Variants in SPTBN1 observed in about 807,000 individuals in gnomAD.
The protein encoded by SPTBN1 is spectrin beta, non-erythrocytic 1.
A neutral mutation model predicts 266.4 loss-of-function variants in SPTBN1; 32 were observed. That is an observed-to-expected ratio of 0.12 (90% CI 0.09 to 0.16). The LOEUF (loss-of-function observed/expected upper bound fraction) is 0.16. Ranked by LOEUF, SPTBN1 falls within the 10% of genes least tolerant of loss-of-function variation. The pLI is 1.00. For synonymous variants in SPTBN1, 1,336 were observed against 1,162.2 expected (o/e 1.15, Z -3.04); for missense variants, 2,296 against 3,067.1 (o/e 0.75, Z 5.94).
intron 2 of SPTBN1, among the ~76,000 whole-genome samples, chr2:54,575,735 CTCAGTGGCGTGAAGGCTCAGTT>C (rs1674415399): frequency 6.6e-6 from 1 of 152,226 alleles, no homozygotes; most frequent in Non-Finnish European, 1.5e-5. Flanking sequence ...TAAGCAGTGA[CTCAGTGGCGTGAAGGCTCAGTT>C]TCGATGTATC....
chr2:54,667,609 A>G lies in SPTBN1; in HGVS notation c.6839A>G (p.Asn2280Ser). ...TTTCTTCCTTGAAATTACAGACTAAATGATGGCAATGAGTACCTCTTCCAA... is the reference window on the plus strand; with the variant it reads ...TTTCTTCCTTGAAATTACAGACTAAGTGATGGCAATGAGTACCTCTTCCAA... ...KKKHVFKLRL[N>S]DGNEYLFQAK... The change falls in exon 35 of 36, where the codon AAT (asparagine) becomes AGT (serine). Residue 2280 changes from asparagine (N) to serine (S), a missense_variant. Physicochemically the swap from Asn to Ser is conservative, Grantham distance 46. Around this residue, in one of 12 missense-constraint regions of SPTBN1, gnomAD observed 347 missense variants for 368.5 expected, o/e 0.94. Transcript: ENST00000356805. 2 of 1,613,980 alleles carry G rather than the reference A, an allele frequency of 1.2e-6. No homozygotes were observed. The highest frequency in any genetic ancestry group is 1.7e-6 in the Non-Finnish European group (2 of 1,179,850).
At chr2:54,521,752 G>T (rs901462937) in intron 1 of SPTBN1, among the ~76,000 whole-genome samples, 8 of 152,164 alleles carry the variant, frequency 5.3e-5, no homozygotes, top group Non-Finnish European at 1.2e-4. Context: ...TCAAACTCCT[G>T]GGCTCAAGTG....
chr2:54,613,148 C>T (rs779084895), intron 4 of SPTBN1, among the ~76,000 whole-genome samples: 11 of 152,152 alleles, frequency 7.2e-5, no homozygotes, highest in Non-Finnish European at 1.5e-4. Flanking sequence ...TCTCCAGGCT[C>T]ATGCTTCGTA....
In SPTBN1 at chr2:54,645,161, T is replaced by A; in HGVS notation, c.4270-68T>A. Reference sequence around the variant, plus strand: ...GTGGCCAAGTCCCAGGCCCAGCAGTTCTGCTTAGAGCCAGTCACTGCAAAA... The same window carrying A: ...GTGGCCAAGTCCCAGGCCCAGCAGTACTGCTTAGAGCCAGTCACTGCAAAA... On this transcript the variant is annotated intron_variant, in intron 20 of 35. Coordinates refer to ENST00000356805, the MANE Select transcript of SPTBN1 (RefSeq NM_003128.3). The surrounding 1 kb of genome is among the most constrained non-coding windows in gnomAD (Gnocchi z 4.3). The A allele has an allele frequency of 6.4e-7, 1 of 1,557,516 alleles. No homozygotes were observed. The highest frequency in any genetic ancestry group is 8.8e-7 in the Non-Finnish European group (1 of 1,134,730).
intron 17 of SPTBN1, among the ~76,000 whole-genome samples, chr2:54,635,455 C>A (rs1679055391): frequency 6.6e-6 from 1 of 152,226 alleles, no homozygotes; most frequent in African/African-American, 2.4e-5. Flanking sequence ...TAAATCCTTG[C>A]CTCTTTCTTC....
chr2:54,657,890 C>T lies in SPTBN1; in HGVS notation c.6087C>T (p.Ala2029=), dbSNP rs776188037. 9 of 1,614,064 alleles carry T rather than the reference C, an allele frequency of 5.6e-6. No individual in the cohort carries two copies. Among genetic ancestry groups the T allele is most frequent in the East Asian group, 4.5e-5 (2 of 44,894 alleles). ...VHQFSRDASV[A]EAWLLGQEPY... ...AGTTCTCAAGAGACGCCAGTGTGGC[C>T]GAGGCCTGGCTGCTTGGACAGGAGC... is the stretch of plus-strand genomic sequence containing the variant. The change falls in exon 30 of 36, where the codon GCC becomes GCT. Residue 2029 remains alanine, a synonymous_variant. Coordinates refer to ENST00000356805, the MANE Select transcript of SPTBN1 (RefSeq NM_003128.3).
At chr2:54,616,180 T>A in intron 4 of SPTBN1, 27 bp from the exon 5 acceptor site, 1 of 1,603,754 alleles carries the variant, frequency 6.2e-7, no homozygotes, top group Non-Finnish European at 8.5e-7. Context: ...CCCATCTATT[T>A]GTCTAATATT....
intron 1 of SPTBN1, among the ~76,000 whole-genome samples, chr2:54,506,746 GTAAT>G (rs1669579786): frequency 6.6e-6 from 1 of 152,042 alleles, no homozygotes; most frequent in South Asian, 2.1e-4. Flanking sequence ...AAATACACAG[GTAAT>G]TATTTAAACA....
At chr2:54,501,893 A>G (rs987552960) in intron 1 of SPTBN1, among the ~76,000 whole-genome samples, 2 of 152,164 alleles carry the variant, frequency 1.3e-5, no homozygotes, top group African/African-American at 2.4e-5. Context: ...TTCGTGAGAA[A>G]AGCTCGATCA....
rs1669434606 is a variant in SPTBN1, at chr2:54,504,239, G to T, written c.-47-22133G>T. On this transcript the variant is annotated intron_variant, in intron 1 of 35. Coordinates refer to ENST00000356805, the MANE Select transcript of SPTBN1 (RefSeq NM_003128.3). The stretch of plus-strand genomic sequence containing the variant: ...TTTGTGTAAACAAAGGTCCTGCAAG[G>T]CACAGCTGTTTTACATTCTGATGTT... Among the ~76,000 whole-genome samples, 4 of 152,204 alleles carry T rather than the reference G, an allele frequency of 2.6e-5. No individual in the cohort carries two copies. In the South Asian group the frequency reaches 8.3e-4, roughly 32 times the overall value.
chr2:54,529,186 A>T (rs1671037885), intron 2 of SPTBN1, among the ~76,000 whole-genome samples: 1 of 152,130 alleles, frequency 6.6e-6, no homozygotes, highest in African/African-American at 2.4e-5. Flanking sequence ...TGGCTTGGGG[A>T]TCACATTTTG....
In SPTBN1 at chr2:54,520,644, C is replaced by T. The variant is rs181030315; in HGVS notation, c.-47-5728C>T. Among the ~76,000 whole-genome samples the T allele has an allele frequency of 2.3e-3, 343 of 151,804 alleles. 2 individuals are homozygous for T. Among genetic ancestry groups the T allele is most frequent in the Middle Eastern group, 6.8e-3 (2 of 294 alleles). On this transcript the variant is annotated intron_variant, in intron 1 of 35. Coordinates refer to ENST00000356805, the MANE Select transcript of SPTBN1 (RefSeq NM_003128.3). The stretch of plus-strand genomic sequence containing the variant: ...TCCTTTTTATACATACACACACCCA[C>T]ACCCTACCCCATGCCACCCCACCCC...
rs1292171873 is a variant in SPTBN1, at chr2:54,664,507, A to G, written c.6475A>G (p.Thr2159Ala). The change falls in exon 33 of 36, where the codon ACG becomes GCG. Residue 2159 changes from threonine to alanine, a missense_variant. Transcript: ENST00000356805. The surrounding 1 kb of genome is among the most constrained non-coding windows in gnomAD (Gnocchi z 5.6). ...GGTCAACGGCGCTACAGAACAAAGG[A>G]CGAGCTCTAAAGAGTCCAGCCCCAT... ...EMVNGATEQR[T>A]SSKESSPIPS... The G allele has an allele frequency of 2.5e-6, 4 of 1,614,126 alleles. No individual in the cohort carries two copies. Among genetic ancestry groups the G allele is most frequent in the Non-Finnish European group, 2.5e-6 (3 of 1,180,018 alleles).
chr2:54,498,950 G>T (rs569241882), intron 1 of SPTBN1, among the ~76,000 whole-genome samples: 1 of 129,218 alleles, frequency 7.7e-6, no homozygotes, highest in Non-Finnish European at 1.6e-5. Context: ...GTAGGGTAAA[G>T]GTGTAGATGT....
At chr2:54,459,115 G>C (rs970207112) in intron 1 of SPTBN1, among the ~76,000 whole-genome samples, 1 of 152,196 alleles carries the variant, frequency 6.6e-6, no homozygotes, top group Non-Finnish European at 1.5e-5. Context: ...GATGTCACAG[G>C]AGGTTTAGCT....
chr2:54,650,114 T>C lies in SPTBN1; in HGVS notation c.5577+125T>C, dbSNP rs1680172812. The C allele has an allele frequency of 9.7e-6, 12 of 1,239,772 alleles. No individual in the cohort carries two copies. In the South Asian group the frequency reaches 1.7e-4, roughly 17 times the overall value. 76.8% of individuals were successfully genotyped at this position (1,239,772 alleles called of 1,614,324 possible). ...GAATTGCCCCAATTAAGCACATACA[T>C]GTACCCACTTTGTAATAGTGCTCCA... On this transcript the variant is annotated intron_variant, in intron 26 of 35. Transcript: ENST00000356805.
chr2:54,564,084 T>A (rs1673507345), intron 2 of SPTBN1, among the ~76,000 whole-genome samples: 1 of 152,176 alleles, frequency 6.6e-6, no homozygotes, highest in Admixed American at 6.5e-5. Flanking sequence ...GGAAGATTAA[T>A]GTGTTAAGGG....
At chr2:54,458,921 T>A (rs1380192523) in intron 1 of SPTBN1, among the ~76,000 whole-genome samples, 1 of 152,254 alleles carries the variant, frequency 6.6e-6, no homozygotes, top group African/African-American at 2.4e-5. Context: ...CTCTGCAGAA[T>A]AGAACTGCAT....
rs1391644339 is a variant in SPTBN1, at chr2:54,470,308, C to T, written c.-48+13790C>T. Among the ~76,000 whole-genome samples the T allele has an allele frequency of 3.3e-5, 5 of 152,076 alleles. 1 individual carries two copies. Among genetic ancestry groups the T allele is most frequent in the African/African-American group, 1.2e-4 (5 of 41,480 alleles). On this transcript the variant is annotated intron_variant, in intron 1 of 35. Transcript: ENST00000356805. ...TACATGTGTACATGCATTTTTTATT[C>T]TTAATTATAGTATGTATTTTCACTG...
Sources: gnomAD v4.1 joint callset for allele counts (sites outside exome capture counted in the v4.1 genomes callset) on GRCh38, gnomAD v4.1.1 for gene constraint, gnomAD v4.1.1 regional missense constraint, Gnocchi (gnomAD v3.1) non-coding constraint, MANE v1.5 for transcripts, NCBI Gene and HGNC (gene_info 2026-07-23, HGNC 2026-07-21) for gene names.